Variants in SOS2 observed in about 807,000 individuals in gnomAD.
The protein encoded by SOS2 is son of sevenless homolog 2.
A neutral mutation model predicts 148.2 loss-of-function variants in SOS2; 65 were observed. The observed-to-expected ratio is 0.44, with a 90% CI of 0.36 to 0.54. SOS2 has a LOEUF of 0.54. Among genes scored for constraint, SOS2 ranks in the 20% least tolerant of loss-of-function variants. The pLI is 0.00. For missense variants in SOS2, 1,341 were observed against 1,590.2 expected, an observed-to-expected ratio of 0.84 and a Z score of 2.67; for synonymous variants, 539 against 537.1, an observed-to-expected ratio of 1.00 and a Z score of -0.05.
Position 50,118,408 on chromosome 14 carries a change from C to T in SOS2, c.3935G>A (p.Arg1312Gln), listed in dbSNP as rs772673873. The change falls in exon 23 of 23, where the codon CGG becomes CAG. Residue 1312 changes from arginine (R) to glutamine (Q), a missense_variant. Arg to Gln is a conservative substitution (Grantham distance 43). Coordinates refer to ENST00000216373, the MANE Select transcript of SOS2 (RefSeq NM_006939.4). ...LPKLPPKTYK[R>Q]ELSHPPLYRL... ...GTACAATGGGGGGTGCGAAAGCTCC[C>T]GTTTGTAAGTCTTTGGTGGCAGTTT... 1.1e-5 allele frequency: 18 copies of T among 1,613,952 alleles called. No individual in the cohort carries two copies. The highest frequency in any genetic ancestry group is 2.7e-5 in the African/African-American group (2 of 74,854).
intron 9 of SOS2, 29 bp downstream of exon 9, chr14:50,161,453 C>T: frequency 2.5e-6 from 4 of 1,593,572 alleles, no homozygotes; most frequent in South Asian, 1.1e-5. Context: ...TAAGCAGAGG[C>T]ATTCACGTTT....
At chr14:50,147,670 G>A (rs1461307132) in intron 14 of SOS2, among the ~76,000 whole-genome samples, 7 of 152,186 alleles carry the variant, frequency 4.6e-5, no homozygotes, top group African/African-American at 1.7e-4. Context: ...TAAGATTTGG[G>A]AGAATTACAC....
chr14:50,154,284 T>C (rs1884748970), intron 12 of SOS2, among the ~76,000 whole-genome samples: 2 of 152,050 alleles, frequency 1.3e-5, no homozygotes, highest in Non-Finnish European at 2.9e-5. Flanking sequence ...TTGAACAGAT[T>C]CTCCACAAAA....
intron 16 of SOS2, among the ~76,000 whole-genome samples, chr14:50,140,854 A>G (rs1455328990): frequency 2.0e-5 from 3 of 152,134 alleles, no homozygotes. Flanking sequence ...ATATAAAACC[A>G]ATAGACAAAA....
At chr14:50,218,152 A>G (rs969930123) in intron 1 of SOS2, among the ~76,000 whole-genome samples, 1 of 150,098 alleles carries the variant, frequency 6.7e-6, no homozygotes, top group Non-Finnish European at 1.5e-5. Flanking sequence ...AAAAAAAAAA[A>G]GAAAGAAAGA....
At chr14:50,125,900 A>G (rs1214250188) in intron 21 of SOS2, among the ~76,000 whole-genome samples, 2 of 152,240 alleles carry the variant, frequency 1.3e-5, no homozygotes, top group Non-Finnish European at 2.9e-5. Context: ...TCCATACTAC[A>G]TGGCGAGATT....
At chr14:50,209,274 C>CGCGTGTGT (rs1415473469) in intron 1 of SOS2, among the ~76,000 whole-genome samples, 1 of 118,276 alleles carries the variant, frequency 8.5e-6, no homozygotes, top group Non-Finnish European at 1.9e-5. Flanking sequence ...CCTTAAATGT[C>CGCGTGTGT]GTGTGTGTGT....
At chr14:50,149,912 T>A in intron 14 of SOS2, 96 bp downstream of exon 14, 1 of 872,554 alleles carries the variant, frequency 1.1e-6, no homozygotes, top group Non-Finnish European at 1.9e-6. Flanking sequence ...GATGAGGTAT[T>A]TTTAAGCACT....
At chr14:50,161,828 G>A (rs1322235022) in intron 8 of SOS2, among the ~76,000 whole-genome samples, 4 of 135,186 alleles carry the variant, frequency 3.0e-5, no homozygotes, top group African/African-American at 5.6e-5. Context: ...CTCACTCACT[G>A]TGGCCTTGAG....
chr14:50,188,040 C>T (rs1206410426), intron 5 of SOS2, among the ~76,000 whole-genome samples: 5 of 152,140 alleles, frequency 3.3e-5, no homozygotes, highest in African/African-American at 1.2e-4. Flanking sequence ...TATTATATAA[C>T]AATTCACATG....
chr14:50,228,439 A>G (rs1217289961), intron 1 of SOS2, among the ~76,000 whole-genome samples: 1 of 152,206 alleles, frequency 6.6e-6, no homozygotes, highest in Non-Finnish European at 1.5e-5. Flanking sequence ...GTAACCCAAC[A>G]GTCTTAATAT....
At chr14:50,177,375 T>C (rs1254459341) in intron 7 of SOS2, among the ~76,000 whole-genome samples, 5 of 152,214 alleles carry the variant, frequency 3.3e-5, no homozygotes, top group Admixed American at 6.5e-5. Context: ...CTTTTTGTTT[T>C]TAGTTTTATT....
At chr14:50,127,456 A>G (rs1047217472) in intron 21 of SOS2, among the ~76,000 whole-genome samples, 9 of 152,084 alleles carry the variant, frequency 5.9e-5, no homozygotes, top group Admixed American at 4.6e-4. Context: ...TCATGTTTTT[A>G]TAACAAAGCT....
chr14:50,150,872 A>G (rs898493835), intron 13 of SOS2, among the ~76,000 whole-genome samples: 1 of 152,208 alleles, frequency 6.6e-6, no homozygotes, highest in South Asian at 2.1e-4. Context: ...ATAGGTGCAC[A>G]CTACCATGCT....
Position 50,160,072 on chromosome 14 carries a change from G to A in SOS2, c.1211C>T (p.Pro404Leu), listed in dbSNP as rs201265921. 23 of 1,610,240 alleles carry A rather than the reference G, an allele frequency of 1.4e-5. No homozygotes were observed. The East Asian group carries it at 4.7e-4, about 33-fold the overall frequency. The change falls in exon 10 of 23, where the codon CCT becomes CTT. Residue 404 changes from proline (P) to leucine (L), a missense_variant. Pro to Leu is a moderately conservative substitution (Grantham distance 98). Around this residue, in one of 4 missense-constraint regions of SOS2, gnomAD observed 574 missense variants for 711.1 expected, o/e 0.81. Transcript: ENST00000216373. The part of the protein sequence containing the change: ...PRRRPGDPVC[P>L]FYSHQLRSKH... Reference sequence around the variant, plus strand: ...GCTTCTTAATTGGTGACTATAAAAAGGGCAAACAGGATCTCTAGAAAAAAC... The same window carrying A: ...GCTTCTTAATTGGTGACTATAAAAAAGGCAAACAGGATCTCTAGAAAAAAC...
intron 8 of SOS2, among the ~76,000 whole-genome samples, chr14:50,163,650 A>G (rs1594983940): frequency 6.6e-6 from 1 of 152,236 alleles, no homozygotes; most frequent in Non-Finnish European, 1.5e-5. Flanking sequence ...TCTGACTTCT[A>G]CAGGTGAAAG....
chr14:50,118,033 C>CTT lies in SOS2; in HGVS notation c.*309_*310dup. 4.2e-6 allele frequency: 1 copy of CTT among 239,096 alleles called. No homozygotes were observed. Among genetic ancestry groups the CTT allele is most frequent in the East Asian group, 9.2e-5 (1 of 10,888 alleles). The allele number at this position is 239,096 out of a possible 1,614,324, so 14.8% of individuals were successfully genotyped here. ...GAAAAATTTCACAAAAGCACTATCC[C>CTT]TTTTCAGTGCAATCATGTCACTTTA... is the stretch of plus-strand genomic sequence containing the variant. On this transcript the variant is annotated 3_prime_UTR_variant, in exon 23 of 23. Coordinates refer to ENST00000216373, the MANE Select transcript of SOS2 (RefSeq NM_006939.4).
intron 4 of SOS2, among the ~76,000 whole-genome samples, chr14:50,191,160 C>T (rs1318671741): frequency 5.9e-5 from 9 of 152,034 alleles, no homozygotes; most frequent in Non-Finnish European, 1.5e-5. Context: ...TTCTCTCATT[C>T]TTAAAACTCT....
intron 4 of SOS2, among the ~76,000 whole-genome samples, chr14:50,195,958 C>T (rs558578738): frequency 6.1e-4 from 92 of 150,770 alleles, no homozygotes; most frequent in Non-Finnish European, 1.1e-3. Context: ...ACCTGGGAGG[C>T]GGAGGTTGCA....
Sources: gnomAD v4.1 joint callset for allele counts (sites outside exome capture counted in the v4.1 genomes callset) on GRCh38, gnomAD v4.1.1 for gene constraint, gnomAD v4.1.1 regional missense constraint, MANE v1.5 for transcripts, NCBI Gene and HGNC (gene_info 2026-07-23, HGNC 2026-07-21) for gene names.